Variants in RBFOX1 observed in about 807,000 individuals in gnomAD.
The protein encoded by RBFOX1 is RNA binding fox-1 homolog 1.
In RBFOX1, 8 loss-of-function variants were observed where a neutral mutation model predicts 57.7. That is an observed-to-expected ratio of 0.14 (90% CI 0.08 to 0.25). RBFOX1 has a LOEUF of 0.25. Ranked by LOEUF, RBFOX1 falls within the 10% of genes least tolerant of loss-of-function variation. RBFOX1 has a pLI of 1.00. For missense variants in RBFOX1, 611 were observed against 548.5 expected (o/e 1.11, Z -1.14); for synonymous variants, 326 against 222.4 (o/e 1.47, Z -4.15).
chr16:6,518,814 T>C (rs2096441323), intron 2 of RBFOX1, among the ~76,000 whole-genome samples: 1 of 110,202 alleles, frequency 9.1e-6, no homozygotes, highest in South Asian at 2.9e-4. Flanking sequence ...TATCTATCTA[T>C]CTATCTATCT....
At chr16:7,471,360 A>T (rs2061523499) in intron 4 of RBFOX1, among the ~76,000 whole-genome samples, 1 of 152,014 alleles carries the variant, frequency 6.6e-6, no homozygotes, top group Non-Finnish European at 1.5e-5. Context: ...TGCTGGGCTA[A>T]TTTTTTTTAA....
intron 2 of RBFOX1, among the ~76,000 whole-genome samples, chr16:6,375,050 G>C (rs920389256): frequency 6.6e-6 from 1 of 151,968 alleles, no homozygotes; most frequent in Non-Finnish European, 1.5e-5. Flanking sequence ...TCCTGCTTGA[G>C]ACCTCGCCAG....
At chr16:6,208,758 G>A (rs1172114067) in intron 1 of RBFOX1, among the ~76,000 whole-genome samples, 3 of 152,144 alleles carry the variant, frequency 2.0e-5, no homozygotes, top group Non-Finnish European at 4.4e-5. Flanking sequence ...TTGGAAAATT[G>A]GAGTCTGGCC....
chr16:6,472,918 C>T (rs550582697), intron 2 of RBFOX1, among the ~76,000 whole-genome samples: 36 of 152,218 alleles, frequency 2.4e-4, no homozygotes, highest in African/African-American at 8.4e-4. Context: ...AACCACTGTG[C>T]CCGGCCCAGT....
In RBFOX1 at chr16:7,711,024, A is replaced by G. The variant is rs2083928348; in HGVS notation, c.*279A>G. 6.5e-6 allele frequency: 2 copies of G among 306,786 alleles called. No homozygotes were observed. Among genetic ancestry groups the G allele is most frequent in the Admixed American group, 5.0e-5 (1 of 19,970 alleles). The allele number at this position is 306,786 out of a possible 1,614,324, so 19.0% of individuals were successfully genotyped here. A position where few individuals can be genotyped will look rare whatever the true frequency, so the allele number is the denominator to read the frequency against. On this transcript the variant is annotated 3_prime_UTR_variant, in exon 16 of 16. Transcript: ENST00000550418. ...TAGACAGATGCTAGATAATGAATAA[A>G]AACTGGTTTAGGGCCATATCCAGAG...
At chr16:6,558,628 C>G (rs887263349) in intron 2 of RBFOX1, among the ~76,000 whole-genome samples, 1 of 152,166 alleles carries the variant, frequency 6.6e-6, no homozygotes, top group East Asian at 1.9e-4. Context: ...ATGTCAATGT[C>G]TAGAAAAATT....
At chr16:6,487,491 C>G (rs12444303) in intron 2 of RBFOX1, among the ~76,000 whole-genome samples, 28,386 of 150,722 alleles carry the variant, frequency 0.19, 2,673 homozygotes, top group Middle Eastern at 0.22. Context: ...TGCAAGTTCT[C>G]CTGAAATTAT....
At chr16:6,841,601 A>C (rs1443828968) in intron 3 of RBFOX1, among the ~76,000 whole-genome samples, 1 of 152,096 alleles carries the variant, frequency 6.6e-6, no homozygotes, top group Non-Finnish European at 1.5e-5. Context: ...TTGAAGAGCT[A>C]ATTTTACTCT....
At chr16:7,683,759 G>A (rs1313591549) in intron 14 of RBFOX1, among the ~76,000 whole-genome samples, 2 of 152,064 alleles carry the variant, frequency 1.3e-5, no homozygotes, top group African/African-American at 4.8e-5. Flanking sequence ...TTAGAGGCAG[G>A]TTGGGAAAGC....
At chr16:6,137,234 T>C (rs1342120451) in intron 1 of RBFOX1, among the ~76,000 whole-genome samples, 1 of 152,216 alleles carries the variant, frequency 6.6e-6, no homozygotes, top group Non-Finnish European at 1.5e-5. Flanking sequence ...ATCTGCCATT[T>C]ATTGAATTCC....
intron 3 of RBFOX1, among the ~76,000 whole-genome samples, chr16:5,765,460 C>G (rs745344695): frequency 6.6e-6 from 1 of 152,154 alleles, no homozygotes; most frequent in African/African-American, 2.4e-5. Flanking sequence ...CCCTTCTTTC[C>G]CAGAGTCAAC....
At position 5,572,651 on chromosome 16, in the gene RBFOX1, G is replaced by A. The variant is rs371697788; in HGVS notation, c.259-26251G>A. 4.7e-4 allele frequency among the ~76,000 whole-genome samples: 71 copies of A among 152,334 alleles called. No individual in the cohort carries two copies. In the South Asian group the frequency reaches 0.014, roughly 31 times the overall value. On this transcript the variant is annotated intron_variant, in intron 2 of 2. Transcript: ENST00000585867. ...GAGAGAATCTGTGAAATAGTGTAAT[G>A]GAGAAAATCTGCAGGGGAGAGAGGA...
rs914309616 is a variant in RBFOX1, at chr16:6,605,698, G to A, written c.-63-48905G>A. On this transcript the variant is annotated intron_variant, in intron 2 of 15. Transcript: ENST00000550418. ...GGCTCCCCGCCAGGCTCTGGGCAGG[G>A]CCTAGATGCTGTGTCAGCGAACAGG... Among the ~76,000 whole-genome samples the A allele has an allele frequency of 2.0e-5, 3 of 152,198 alleles. No individual in the cohort carries two copies. In the South Asian group the frequency reaches 6.2e-4, roughly 31 times the overall value.
chr16:5,279,921 C>A (rs975342806), intron 1 of RBFOX1, among the ~76,000 whole-genome samples: 3 of 152,100 alleles, frequency 2.0e-5, no homozygotes, highest in Non-Finnish European at 2.9e-5. Flanking sequence ...GTTTGGATGC[C>A]TTTTATTTCT....
intron 2 of RBFOX1, among the ~76,000 whole-genome samples, chr16:6,409,668 G>A (rs953589210): frequency 6.6e-6 from 1 of 152,146 alleles, no homozygotes; most frequent in African/African-American, 2.4e-5. Context: ...TCCCCAAATG[G>A]CTGTTGTAGT....
chr16:7,504,773 A>ATATATATATATATATT (rs2072560375), intron 4 of RBFOX1, among the ~76,000 whole-genome samples: 1 of 9,404 alleles, frequency 1.1e-4, no homozygotes, highest in African/African-American at 2.4e-4. Flanking sequence ...ATATATATTT[A>ATATATATATATATATT]TATATATATA....
intron 10 of RBFOX1, among the ~76,000 whole-genome samples, chr16:7,610,974 C>T (rs898097923): frequency 6.6e-6 from 1 of 151,942 alleles, no homozygotes; most frequent in African/African-American, 2.4e-5. Flanking sequence ...ATGAAGACCC[C>T]TTGTCATTGA....
intron 4 of RBFOX1, among the ~76,000 whole-genome samples, chr16:7,376,202 A>G (rs2097683554): frequency 6.6e-6 from 1 of 152,228 alleles, no homozygotes; most frequent in South Asian, 2.1e-4. Context: ...ATATATGTTG[A>G]TGTGATACCA....
At chr16:6,805,403 G>C (rs1156874254) in intron 3 of RBFOX1, among the ~76,000 whole-genome samples, 1 of 152,180 alleles carries the variant, frequency 6.6e-6, no homozygotes, top group Non-Finnish European at 1.5e-5. Flanking sequence ...TAGAGGGTAG[G>C]AGGAGGGAGA....
Sources: allele counts gnomAD v4.1 joint callset (sites outside exome capture counted in the v4.1 genomes callset), GRCh38; gene constraint gnomAD v4.1.1; transcripts MANE v1.5; gene names NCBI Gene and HGNC (gene_info 2026-07-23, HGNC 2026-07-21).